Variants in ROBO2 observed in about 807,000 individuals in gnomAD.
ROBO2 encodes roundabout homolog 2.
Under a neutral mutation model 160.8 loss-of-function variants are expected in ROBO2, and 53 were observed. The ratio of observed to expected loss-of-function variants is 0.33; its 90% CI spans 0.26 to 0.41. ROBO2 has a LOEUF of 0.41. Among genes scored for constraint, ROBO2 ranks in the 10% least tolerant of loss-of-function variants. ROBO2 has a pLI of 1.00. For missense variants in ROBO2, 1,577 were observed against 1,722.4 expected (o/e 0.92, Z 1.49); for synonymous variants, 664 against 611.7 (o/e 1.09, Z -1.26).
intron 2 of ROBO2, among the ~76,000 whole-genome samples, chr3:76,215,225 A>G (rs560329388): frequency 6.6e-6 from 1 of 152,276 alleles, no homozygotes; most frequent in Non-Finnish European, 1.5e-5. Context: ...AACAGAGCAG[A>G]AAAACCGGAA....
chr3:77,524,436 C>T (rs1217477603), intron 6 of ROBO2, among the ~76,000 whole-genome samples: 1 of 151,232 alleles, frequency 6.6e-6, no homozygotes, highest in Admixed American at 6.6e-5. Flanking sequence ...TTCACTAGAC[C>T]AAATTATCCC....
chr3:75,947,419 A>G (rs1162933202), intron 2 of ROBO2, among the ~76,000 whole-genome samples: 1 of 152,236 alleles, frequency 6.6e-6, no homozygotes, highest in Non-Finnish European at 1.5e-5. Context: ...CTCATGAGTT[A>G]TAAGTACGTG....
intron 1 of ROBO2, among the ~76,000 whole-genome samples, chr3:77,048,343 T>C (rs191785630): frequency 1.5e-3 from 226 of 152,302 alleles, no homozygotes; most frequent in Non-Finnish European, 2.5e-3. Flanking sequence ...GCTGTGACAG[T>C]TGTGCTATGA....
chr3:76,048,117 T>C (rs2067511036), intron 2 of ROBO2, among the ~76,000 whole-genome samples: 1 of 152,152 alleles, frequency 6.6e-6, no homozygotes, highest in South Asian at 2.1e-4. Flanking sequence ...TTATGGAATG[T>C]ATTGTCAACA....
At chr3:76,741,078 C>G (rs1193778499) in intron 2 of ROBO2, among the ~76,000 whole-genome samples, 1 of 151,982 alleles carries the variant, frequency 6.6e-6, no homozygotes, top group Non-Finnish European at 1.5e-5. Context: ...TCTACTTAGT[C>G]TGTTAGTCCC....
chr3:76,252,107 G>A (rs878954891), intron 2 of ROBO2, among the ~76,000 whole-genome samples: 3 of 151,992 alleles, frequency 2.0e-5, no homozygotes, highest in African/African-American at 4.8e-5. Context: ...AACTTAATAA[G>A]CAATTCATGA....
intron 2 of ROBO2, among the ~76,000 whole-genome samples, chr3:77,295,125 G>A (rs6799596): frequency 1 from 149,966 of 150,056 alleles, 74,938 homozygotes; most frequent in Middle Eastern, 1. Context: ...CTGAGGCTAG[G>A]TCACCCCAGA....
At chr3:75,927,854 G>A (rs1947348411) in intron 1 of ROBO2, among the ~76,000 whole-genome samples, 1 of 151,804 alleles carries the variant, frequency 6.6e-6, no homozygotes, top group African/African-American at 2.4e-5. Context: ...AACGTAACAT[G>A]TTTGTCTTGT....
chr3:77,219,564 G>T (rs1431924820), intron 2 of ROBO2, among the ~76,000 whole-genome samples: 10 of 146,420 alleles, frequency 6.8e-5, no homozygotes, highest in African/African-American at 2.5e-4. Context: ...TCTTTTGGGG[G>T]TAAAGTATTT....
At chr3:76,572,061 G>A (rs2108610188) in intron 2 of ROBO2, among the ~76,000 whole-genome samples, 1 of 152,240 alleles carries the variant, frequency 6.6e-6, no homozygotes, top group South Asian at 2.1e-4. Context: ...TATTATACCT[G>A]AAGTATTTGA....
chr3:76,174,720 A>C (rs2073164650), intron 2 of ROBO2, among the ~76,000 whole-genome samples: 1 of 152,050 alleles, frequency 6.6e-6, no homozygotes, highest in Non-Finnish European at 1.5e-5. Context: ...CCATTGGTCT[A>C]TATATCTGTT....
chr3:76,102,457 T>C (rs1369719490), intron 2 of ROBO2, among the ~76,000 whole-genome samples: 1 of 152,196 alleles, frequency 6.6e-6, no homozygotes, highest in Non-Finnish European at 1.5e-5. Flanking sequence ...AATCAATATT[T>C]AACAGCTTGG....
intron 2 of ROBO2, among the ~76,000 whole-genome samples, chr3:76,097,938 A>C (rs2069522301): frequency 6.6e-6 from 1 of 152,236 alleles, no homozygotes; most frequent in Non-Finnish European, 1.5e-5. Flanking sequence ...ATAAAATCAA[A>C]GTTTCACAAG....
chr3:76,510,113 C>A (rs913544596), intron 2 of ROBO2, among the ~76,000 whole-genome samples: 15 of 152,068 alleles, frequency 9.9e-5, no homozygotes, highest in African/African-American at 3.4e-4. Flanking sequence ...CCTATGATGC[C>A]CTACATGAGA....
chr3:77,019,379 C>T (rs1239463245), intron 2 of ROBO2, among the ~76,000 whole-genome samples: 1 of 152,164 alleles, frequency 6.6e-6, no homozygotes, highest in Non-Finnish European at 1.5e-5. Flanking sequence ...ACCCGCAGGA[C>T]ATCATCATCC....
At chr3:77,252,163 A>G (rs1009898633) in intron 2 of ROBO2, among the ~76,000 whole-genome samples, 4 of 152,158 alleles carry the variant, frequency 2.6e-5, no homozygotes, top group South Asian at 2.1e-4. Context: ...CAGTCTTACG[A>G]CGTGAACATT....
At chr3:77,372,780 G>A (rs561061054) in intron 2 of ROBO2, among the ~76,000 whole-genome samples, 1 of 152,100 alleles carries the variant, frequency 6.6e-6, no homozygotes, top group Non-Finnish European at 1.5e-5. Context: ...TGCATTAAAT[G>A]AAGTTCCTTC....
rs1159907224 is a variant in ROBO2 at position 76,136,211 on chromosome 3, A to G, written c.109+198609A>G. On this transcript the variant is annotated intron_variant, in intron 2 of 26. Coordinates refer to the ROBO2 transcript ENST00000487694. ...GGCATAATACTCGCTGATGGTTTAC[A>G]TAGCATTCAAATACTAGCTTCTCAA... Among the ~76,000 whole-genome samples, 5 of 152,272 alleles carry G rather than the reference A, an allele frequency of 3.3e-5. 1 individual carries two copies. In the South Asian group the frequency reaches 8.3e-4, roughly 25 times the overall value.
rs143229014 is a variant in ROBO2 at position 76,066,734 on chromosome 3, A to G, written c.109+129132A>G. 5.3e-5 allele frequency among the ~76,000 whole-genome samples: 8 copies of G among 152,088 alleles called. No individual in the cohort carries two copies. In the East Asian group the frequency reaches 1.5e-3, roughly 29 times the overall value. On this transcript the variant is annotated intron_variant, in intron 2 of 26. Coordinates refer to the ROBO2 transcript ENST00000487694. Reference sequence around the variant, plus strand: ...TTAGAAATTAGGTTTTCAGACATTTATCTTAGTGTTACTTTATAGTAAGTT... The same window carrying G: ...TTAGAAATTAGGTTTTCAGACATTTGTCTTAGTGTTACTTTATAGTAAGTT...
Sources: allele counts gnomAD v4.1 joint callset (sites outside exome capture counted in the v4.1 genomes callset), GRCh38; gene constraint gnomAD v4.1.1; transcripts MANE v1.5; gene names NCBI Gene and HGNC (gene_info 2026-07-23, HGNC 2026-07-21).